SLC8A2: variants seen among roughly 807,000 people sequenced by gnomAD.
SLC8A2 encodes the protein solute carrier family 8 member A2, also known as sodium/calcium exchanger 2.
Under a neutral mutation model 70.2 loss-of-function variants are expected in SLC8A2, and 14 were observed. The observed-to-expected ratio is 0.20, with a 90% CI of 0.13 to 0.31. The LOEUF (loss-of-function observed/expected upper bound fraction) is 0.31. SLC8A2 is among the 10% of genes least tolerant of loss of function. SLC8A2 has a pLI of 1.00. For missense variants in SLC8A2, 779 were observed against 1,320.1 expected (o/e 0.59, Z 6.35); for synonymous variants, 575 against 594.3 (o/e 0.97, Z 0.47).
At chr19:47,459,675 G>C (rs941799190) in intron 2 of SLC8A2, among the ~76,000 whole-genome samples, 18 of 149,792 alleles carry the variant, frequency 1.2e-4, no homozygotes, top group Middle Eastern at 3.5e-3. Flanking sequence ...GTGTGTGCAT[G>C]TGTGTGTGTG....
intron 2 of SLC8A2, among the ~76,000 whole-genome samples, chr19:47,463,051 T>TGCCTG (rs1204662924): frequency 6.6e-6 from 1 of 152,170 alleles, no homozygotes; most frequent in East Asian, 1.9e-4. Flanking sequence ...TATAAATAGA[T>TGCCTG]GCCTGCATCT....
At chr19:47,439,617 T>TCTTTCTTCCTTCCTTCCTTC (rs1967074670) in intron 6 of SLC8A2, among the ~76,000 whole-genome samples, 2 of 145,812 alleles carry the variant, frequency 1.4e-5, no homozygotes, top group African/African-American at 5.3e-5. Flanking sequence ...TTCCTTCCTT[T>TCTTTCTTCCTTCCTTCCTTC]CTTCCTTCCT....
rs554133406 is a variant in SLC8A2 at position 47,451,455 on chromosome 19, C to T, written c.1341-3224G>A. On this transcript the variant is annotated intron_variant, in intron 3 of 9. Transcript: ENST00000236877. ...TCTCGAGCAGCTGGGACTACAGGCT[C>T]GTGCCACCACATCTGGCTAATTTTT... is the stretch of plus-strand genomic sequence containing the variant. 3.3e-5 allele frequency among the ~76,000 whole-genome samples: 5 copies of T among 152,048 alleles called. No homozygotes were observed. The East Asian group carries it at 9.7e-4, about 29-fold the overall frequency.
At chr19:47,441,665 A>C (rs1307810924) in intron 4 of SLC8A2, among the ~76,000 whole-genome samples, 1 of 152,206 alleles carries the variant, frequency 6.6e-6, no homozygotes, top group Non-Finnish European at 1.5e-5. Flanking sequence ...GTCTGATTAA[A>C]GTAAAGCATT....
At chr19:47,460,420 A>G (rs1221742394) in intron 2 of SLC8A2, among the ~76,000 whole-genome samples, 1 of 152,220 alleles carries the variant, frequency 6.6e-6, no homozygotes, top group Non-Finnish European at 1.5e-5. Context: ...TTGCCTGGCC[A>G]AGCGTGGTGG....
rs745361846 is a variant in SLC8A2, at chr19:47,448,084, C to T, written c.1488G>A (p.Pro496=). The change falls in exon 4 of 10, where the codon CCG becomes CCA. Residue 496 remains proline, a synonymous_variant. Coordinates refer to ENST00000236877, the MANE Select transcript of SLC8A2 (RefSeq NM_015063.3). This position sits in a 1 kb window ranked among gnomAD's most constrained non-coding sequence, Gnocchi z 4.8. ...GCCCCTTGGGCCGCCCGCCGCCGTCCGGCTCGAACATGCCCTGCGCGTCGC... is the reference window on the plus strand; with the variant it reads ...GCCCCTTGGGCCGCCCGCCGCCGTCTGGCTCGAACATGCCCTGCGCGTCGC... ...RVGDAQGMFE[P]DGGGRPKGRL... The T allele has an allele frequency of 1.2e-6, 2 of 1,600,894 alleles. No homozygotes were observed. The highest frequency in any genetic ancestry group is 2.2e-5 in the South Asian group (2 of 89,892).
At chr19:47,445,927 CAGAG>C (rs1049197488) in intron 4 of SLC8A2, among the ~76,000 whole-genome samples, 5 of 152,238 alleles carry the variant, frequency 3.3e-5, no homozygotes, top group African/African-American at 9.6e-5. Flanking sequence ...CCAAGCCAGA[CAGAG>C]AGAGAGAAGG....
At chr19:47,457,839 T>C (rs1436574024) in intron 2 of SLC8A2, among the ~76,000 whole-genome samples, 1 of 151,494 alleles carries the variant, frequency 6.6e-6, no homozygotes, top group Non-Finnish European at 1.5e-5. Flanking sequence ...CTTTCTTTCT[T>C]TCTTTTTTTT....
At chr19:47,443,951 A>G (rs1182344075) in intron 4 of SLC8A2, among the ~76,000 whole-genome samples, 2 of 152,042 alleles carry the variant, frequency 1.3e-5, no homozygotes, top group Non-Finnish European at 2.9e-5. Context: ...GCTGGAGTGC[A>G]GTGGCATAAT....
chr19:47,446,489 G>T (rs1967164349), intron 4 of SLC8A2, among the ~76,000 whole-genome samples: 2 of 152,100 alleles, frequency 1.3e-5, no homozygotes, highest in South Asian at 4.1e-4. Context: ...AGTGCAGTGG[G>T]TGATCACAGC....
At position 47,448,100 on chromosome 19, in the gene SLC8A2, T is replaced by A; in HGVS notation, c.1472A>T (p.Gln491Leu). Residue 491 changes from glutamine to leucine, a missense_variant, in exon 4 of 10, where the codon CAG (glutamine) becomes CTG (leucine). Gln to Leu is a moderately radical substitution (Grantham distance 113). This residue lies in a region of SLC8A2 where 247 missense variants were observed against 362.8 expected (regional missense o/e 0.68). Transcript: ENST00000236877. The surrounding 1 kb of genome is among the most constrained non-coding windows in gnomAD (Gnocchi z 4.8). ...RLLNLRVGDA[Q>L]GMFEPDGGGR... ...GCCGCCGTCCGGCTCGAACATGCCC[T>A]GCGCGTCGCCCACGCGCAGGTTCAG... 1 of 1,608,848 alleles carries A rather than the reference T, an allele frequency of 6.2e-7. No individual in the cohort carries two copies. The highest frequency in any genetic ancestry group is 8.5e-7 in the Non-Finnish European group (1 of 1,177,978).
chr19:47,429,207 T>C lies in SLC8A2; in HGVS notation c.*882A>G, dbSNP rs1161317458. Reference sequence around the variant, plus strand: ...GCCTCCTCCCCAAAGCTGGTTCTCATGGCTGAGGGAGTCTGCTGCCCTCTC... The same window carrying C: ...GCCTCCTCCCCAAAGCTGGTTCTCACGGCTGAGGGAGTCTGCTGCCCTCTC... On this transcript the variant is annotated 3_prime_UTR_variant, in exon 10 of 10. Transcript: ENST00000236877. 1 of 152,596 alleles carries C rather than the reference T, an allele frequency of 6.6e-6. No individual in the cohort carries two copies. The highest frequency in any genetic ancestry group is 1.5e-5 in the Non-Finnish European group (1 of 68,096). The allele number at this position is 152,596 out of a possible 1,614,324, so 9.5% of individuals were successfully genotyped here. A position where few individuals can be genotyped will look rare whatever the true frequency, so the allele number is the denominator to read the frequency against.
rs187931497 is a variant in SLC8A2, at chr19:47,465,347, C to A, written c.675+382G>T. ...GAGTGTAGGAAAACATGTGAACATA[C>A]GTAGCATGCATTACACAGATCACAG... On this transcript the variant is annotated intron_variant, in intron 2 of 9. Transcript: ENST00000236877. This position sits in a 1 kb window ranked among gnomAD's most constrained non-coding sequence, Gnocchi z 5.5. Among the ~76,000 whole-genome samples the A allele has an allele frequency of 5.9e-5, 9 of 152,184 alleles. No individual in the cohort carries two copies. The highest frequency in any genetic ancestry group is 1.4e-4 in the African/African-American group (6 of 41,456).
rs1232398306 is a variant in SLC8A2 at position 47,447,251 on chromosome 19, C to A, written c.1763+558G>T. On this transcript the variant is annotated intron_variant, in intron 4 of 9. Transcript: ENST00000236877. This position sits in a 1 kb window ranked among gnomAD's most constrained non-coding sequence, Gnocchi z 5.1. Reference sequence around the variant, plus strand: ...CCCAGACCCCACCTATCGCCCTGGACCCGCCCCCTCTCCACAGCCACCGAC... The same window carrying A: ...CCCAGACCCCACCTATCGCCCTGGAACCGCCCCCTCTCCACAGCCACCGAC... 2.0e-5 allele frequency among the ~76,000 whole-genome samples: 3 copies of A among 151,970 alleles called. No individual in the cohort carries two copies. The East Asian group carries it at 5.8e-4, about 30-fold the overall frequency.
At position 47,432,201 on chromosome 19, in the gene SLC8A2, A is replaced by G. The variant is rs1169308403; in HGVS notation, c.2355T>C (p.Ala785=). ...AGGTGCCCAGGGCAACGAAGACAAC[A>G]GCATTGACAGAGTCCTTGAGGCCAA... is the stretch of plus-strand genomic sequence containing the variant. ...CTVGLKDSVN[A]VVFVALGTSI... Residue 785 remains alanine (A), a synonymous_variant, in exon 9 of 10, where the codon GCT becomes GCC. Transcript: ENST00000236877. The surrounding 1 kb of genome is among the most constrained non-coding windows in gnomAD (Gnocchi z 6.2). 6.2e-7 allele frequency: 1 copy of G among 1,613,380 alleles called. No homozygotes were observed. Among genetic ancestry groups the G allele is most frequent in the Non-Finnish European group, 8.5e-7 (1 of 1,179,658 alleles).
At position 47,429,932 on chromosome 19, in the gene SLC8A2, C is replaced by A; in HGVS notation, c.*157G>T. 1.9e-6 allele frequency: 1 copy of A among 529,792 alleles called. No homozygotes were observed. Among genetic ancestry groups the A allele is most frequent in the East Asian group, 3.3e-5 (1 of 30,188 alleles). 32.8% of individuals were successfully genotyped at this position (529,792 alleles called of 1,614,324 possible). The stretch of plus-strand genomic sequence containing the variant: ...AGGCTGAGCTACTGGGGACACAGAA[C>A]AGGGCAATCAAAGCCAGGGGAGGGG... On this transcript the variant is annotated 3_prime_UTR_variant, in exon 10 of 10. Coordinates refer to ENST00000236877, the MANE Select transcript of SLC8A2 (RefSeq NM_015063.3).
intron 3 of SLC8A2, among the ~76,000 whole-genome samples, chr19:47,452,441 A>AGTGTGTGT (rs1967253214): frequency 7.7e-5 from 5 of 65,166 alleles, no homozygotes; most frequent in African/African-American, 3.3e-4. Flanking sequence ...AGAGAGAGAG[A>AGTGTGTGT]GAGAGTGTGT....
At chr19:47,439,290 G>A (rs1218523686) in intron 6 of SLC8A2, among the ~76,000 whole-genome samples, 3 of 152,154 alleles carry the variant, frequency 2.0e-5, no homozygotes, top group African/African-American at 7.2e-5. Context: ...CACTTTAGGA[G>A]GCCAAGGCAG....
chr19:47,452,299 C>A (rs1432728579), intron 3 of SLC8A2, among the ~76,000 whole-genome samples: 1 of 151,800 alleles, frequency 6.6e-6, no homozygotes, highest in Non-Finnish European at 1.5e-5. Flanking sequence ...ACTGCAACCT[C>A]TGCCTCCTGG....
Sources: allele counts gnomAD v4.1 joint callset (sites outside exome capture counted in the v4.1 genomes callset), GRCh38; gene constraint gnomAD v4.1.1; regional missense constraint gnomAD v4.1.1; non-coding constraint Gnocchi (gnomAD v3.1); transcripts MANE v1.5; gene names NCBI Gene and HGNC (gene_info 2026-07-23, HGNC 2026-07-21).